LRFN2: variants seen among roughly 807,000 people sequenced by gnomAD.
LRFN2 encodes leucine rich repeat and fibronectin type III domain containing 2, also known as leucine-rich repeat and fibronectin type-III domain-containing protein 2.
In LRFN2, 18 loss-of-function variants were observed where a neutral mutation model predicts 37.3. The observed-to-expected ratio is 0.48, with a 90% CI of 0.33 to 0.72. The LOEUF (loss-of-function observed/expected upper bound fraction) is 0.72. LRFN2 is among the 30% of genes least tolerant of loss of function. LRFN2 has a pLI of 0.02. For synonymous variants in LRFN2, 556 were observed against 466.6 expected, an observed-to-expected ratio of 1.19 and a Z score of -2.47; for missense variants, 1,006 against 1,060.7, an observed-to-expected ratio of 0.95 and a Z score of 0.72.
At chr6:40,465,250 G>A (rs1764432462) in intron 1 of LRFN2, among the ~76,000 whole-genome samples, 1 of 152,112 alleles carries the variant, frequency 6.6e-6, no homozygotes, top group African/African-American at 2.4e-5. Flanking sequence ...ATGTAGCTCT[G>A]CCAGTACCTT....
intron 1 of LRFN2, among the ~76,000 whole-genome samples, chr6:40,469,051 T>C (rs913441669): frequency 3.3e-5 from 5 of 152,316 alleles, no homozygotes; most frequent in African/African-American, 1.2e-4. Flanking sequence ...GTTAAGGTGA[T>C]GTGATTGTCC....
chr6:40,469,120 G>A (rs982371117), intron 1 of LRFN2, among the ~76,000 whole-genome samples: 1 of 152,170 alleles, frequency 6.6e-6, no homozygotes, highest in Admixed American at 6.5e-5. Context: ...AGGCACAGGA[G>A]GGGAAGACAC....
intron 1 of LRFN2, among the ~76,000 whole-genome samples, chr6:40,435,662 C>A (rs973175181): frequency 1.3e-5 from 2 of 152,126 alleles, no homozygotes; most frequent in Non-Finnish European, 2.9e-5. Flanking sequence ...CCTCAGCCTC[C>A]CTAGTAGCTG....
chr6:40,537,528 C>G (rs1382092846), intron 1 of LRFN2, among the ~76,000 whole-genome samples: 1 of 152,138 alleles, frequency 6.6e-6, no homozygotes, highest in East Asian at 1.9e-4. Context: ...ATCCAAGGCC[C>G]ACTTCAACTG....
intron 1 of LRFN2, among the ~76,000 whole-genome samples, chr6:40,566,731 T>C (rs1767096963): frequency 6.6e-6 from 1 of 151,008 alleles, no homozygotes; most frequent in Middle Eastern, 3.4e-3. Context: ...CTGGGGACTG[T>C]TGTGGGGTGG....
chr6:40,465,505 TC>T (rs1237395989), intron 1 of LRFN2, among the ~76,000 whole-genome samples: 2 of 152,158 alleles, frequency 1.3e-5, no homozygotes, highest in Non-Finnish European at 1.5e-5. Flanking sequence ...TATCAATGCC[TC>T]TTGAAGTCAC....
intron 1 of LRFN2, chr6:40,502,343 G>A (rs2436736): frequency 0.4 from 60,739 of 152,090 alleles, 12,509 homozygotes; most frequent in East Asian, 0.53. Flanking sequence ...GGATTGAAGG[G>A]AGGGAGGATT....
intron 1 of LRFN2, among the ~76,000 whole-genome samples, chr6:40,580,877 G>T (rs1268657433): frequency 1.3e-5 from 2 of 152,196 alleles, no homozygotes; most frequent in African/African-American, 4.8e-5. Context: ...GTGAGTATTT[G>T]GGAGTGTGTA....
At chr6:40,536,619 G>T (rs1766453749) in intron 1 of LRFN2, among the ~76,000 whole-genome samples, 1 of 152,180 alleles carries the variant, frequency 6.6e-6, no homozygotes, top group Non-Finnish European at 1.5e-5. Context: ...ACTAGGAGGT[G>T]CAGCTGGAGG....
Position 40,392,082 on chromosome 6 carries a change from G to T in LRFN2, c.2231C>A (p.Pro744His). ...AGGVVPGGYS[P>H]PRKVSNIWTK... ...CCAGATGTTCGAGACCTTCCGAGGA[G>T]GACTGTAGCCGCCCGGCACGACCCC... is the stretch of plus-strand genomic sequence containing the variant. Residue 744 changes from proline to histidine, a missense_variant, in exon 3 of 3, where the codon CCT (proline) becomes CAT (histidine). Transcript: ENST00000338305. This position sits in a 1 kb window ranked among gnomAD's most constrained non-coding sequence, Gnocchi z 4.7. 1 of 1,614,062 alleles carries T rather than the reference G, an allele frequency of 6.2e-7. No homozygotes were observed. The highest frequency in any genetic ancestry group is 8.5e-7 in the Non-Finnish European group (1 of 1,179,996).
chr6:40,536,383 T>C (rs531169048), intron 1 of LRFN2, among the ~76,000 whole-genome samples: 2 of 152,342 alleles, frequency 1.3e-5, no homozygotes, highest in Non-Finnish European at 2.9e-5. Context: ...TCAAAGTCAC[T>C]GCCTTCCTGG....
At chr6:40,542,779 T>C (rs1766580367) in intron 1 of LRFN2, among the ~76,000 whole-genome samples, 1 of 152,204 alleles carries the variant, frequency 6.6e-6, no homozygotes. Context: ...CTCAGGTATC[T>C]ACCTTGAGCC....
At position 40,426,916 on chromosome 6, in the gene LRFN2, T is replaced by A. The variant is rs1173432884; in HGVS notation, c.1400+4798A>T. On this transcript the variant is annotated intron_variant, in intron 2 of 2. Coordinates refer to ENST00000338305, the MANE Select transcript of LRFN2 (RefSeq NM_020737.3). Reference sequence around the variant, plus strand: ...GACTCAGCAGAACCATAACCTCTCATGATCTGACCACTATACTTCCATTAG... The same window carrying A: ...GACTCAGCAGAACCATAACCTCTCAAGATCTGACCACTATACTTCCATTAG... 2.0e-5 allele frequency among the ~76,000 whole-genome samples: 3 copies of A among 152,200 alleles called. 1 individual carries two copies. Among genetic ancestry groups the A allele is most frequent in the African/African-American group, 7.2e-5 (3 of 41,434 alleles).
intron 1 of LRFN2, among the ~76,000 whole-genome samples, chr6:40,547,905 T>C (rs1766695492): frequency 6.6e-6 from 1 of 152,188 alleles, no homozygotes; most frequent in Non-Finnish European, 1.5e-5. Context: ...GGTTTCTCTA[T>C]GCCATCCCCA....
intron 1 of LRFN2, among the ~76,000 whole-genome samples, chr6:40,462,938 G>A (rs1178073103): frequency 1.3e-5 from 2 of 152,210 alleles, no homozygotes; most frequent in African/African-American, 4.8e-5. Flanking sequence ...TTGCAACTAG[G>A]TGTAGCCATG....
At chr6:40,515,770 G>A (rs978421792) in intron 1 of LRFN2, among the ~76,000 whole-genome samples, 1 of 151,834 alleles carries the variant, frequency 6.6e-6, no homozygotes, top group South Asian at 2.1e-4. Flanking sequence ...CCATGTGACT[G>A]TAATCCCAGG....
intron 2 of LRFN2, among the ~76,000 whole-genome samples, chr6:40,428,401 T>C (rs1184855242): frequency 6.6e-6 from 1 of 152,194 alleles, no homozygotes; most frequent in East Asian, 1.9e-4. Flanking sequence ...GATACAGACC[T>C]CTCCTCCCTT....
intron 1 of LRFN2, among the ~76,000 whole-genome samples, chr6:40,456,161 T>C (rs1360495263): frequency 2.0e-5 from 3 of 152,228 alleles, no homozygotes; most frequent in Admixed American, 6.5e-5. Context: ...AGCCTACAGA[T>C]AAGAATTCCT....
chr6:40,554,576 G>T (rs1238255810), intron 1 of LRFN2, among the ~76,000 whole-genome samples: 5 of 152,188 alleles, frequency 3.3e-5, no homozygotes, highest in Non-Finnish European at 5.9e-5. Context: ...AATCACGAAT[G>T]CAATGTAAAG....
Sources: allele counts gnomAD v4.1 joint callset (sites outside exome capture counted in the v4.1 genomes callset), GRCh38; gene constraint gnomAD v4.1.1; non-coding constraint Gnocchi (gnomAD v3.1); transcripts MANE v1.5; gene names NCBI Gene and HGNC (gene_info 2026-07-23, HGNC 2026-07-21).